Variants in PARP4 observed in about 807,000 individuals in gnomAD.
The protein encoded by PARP4 is poly(ADP-ribose) polymerase family member 4, also known as protein mono-ADP-ribosyltransferase PARP4.
Under a neutral mutation model 187.7 loss-of-function variants are expected in PARP4, and 120 were observed. The observed-to-expected ratio is 0.64, with a 90% confidence interval of 0.55 to 0.74. The LOEUF (loss-of-function observed/expected upper bound fraction) is 0.74. Ranked by LOEUF, PARP4 falls within the 30% of genes least tolerant of loss-of-function variation. The probability of loss-of-function intolerance (pLI) is 0.00; values close to 1 mark genes in which losing one functional copy is unlikely to be tolerated. For missense variants in PARP4, 1,836 were observed against 2,070.5 expected (o/e 0.89, Z 2.20); for synonymous variants, 654 against 740.9 (o/e 0.88, Z 1.90).
At chr13:24,492,935 T>A in intron 8 of PARP4, among the ~76,000 whole-genome samples, 1 of 152,256 alleles carries the variant, frequency 6.6e-6, no homozygotes, top group African/African-American at 2.4e-5. Flanking sequence ...TTTAGAAAGC[T>A]GTCAGAATCA....
intron 1 of PARP4, among the ~76,000 whole-genome samples, chr13:24,506,104 T>C (rs1490584737): frequency 6.6e-6 from 1 of 152,178 alleles, no homozygotes; most frequent in African/African-American, 2.4e-5. Flanking sequence ...TGGACCCTCG[T>C]GGTGAGTGCT....
chr13:24,483,016 CTTCTT>C (rs1048828871), intron 12 of PARP4, among the ~76,000 whole-genome samples: 1 of 151,596 alleles, frequency 6.6e-6, no homozygotes, highest in African/African-American at 2.4e-5. Flanking sequence ...CTCTTTTTTT[CTTCTT>C]TTCTTTTTTT....
chr13:24,473,307 T>C (rs1566008122), intron 15 of PARP4, among the ~76,000 whole-genome samples: 1 of 152,204 alleles, frequency 6.6e-6, no homozygotes, highest in Non-Finnish European at 1.5e-5. Flanking sequence ...TTCATCTCTC[T>C]CTGGGAAGAA....
intron 15 of PARP4, among the ~76,000 whole-genome samples, chr13:24,471,784 G>A (rs1396740342): frequency 6.6e-5 from 10 of 152,146 alleles, no homozygotes; most frequent in Non-Finnish European, 1.0e-4. Flanking sequence ...AGGCATGGAG[G>A]ACACACGCCT....
chr13:24,440,419 T>TAAAAAA lies in PARP4; in HGVS notation c.3666+1421_3666+1426dup, dbSNP rs71070698. Reference sequence around the variant, plus strand: ...TCTCAAAAAAAAAAAAAATTAAAATTAAAAAAAAAAAAAAAAAAAGAAATC... The same window carrying TAAAAAA: ...TCTCAAAAAAAAAAAAAATTAAAATTAAAAAAAAAAAAAAAAAAAAAAAAAGAAATC... On this transcript the variant is annotated intron_variant, in intron 30 of 33. Coordinates refer to ENST00000381989, the MANE Select transcript of PARP4 (RefSeq NM_006437.4). Among the ~76,000 whole-genome samples the TAAAAAA allele has an allele frequency of 5.5e-5, 7 of 126,200 alleles. No homozygotes were observed. The East Asian group carries it at 6.9e-4, about 12-fold the overall frequency. The allele number at this position is 126,200 out of a possible 152,430, so 82.8% of individuals were successfully genotyped here.
At chr13:24,425,131 T>G (rs1381175949) in intron 33 of PARP4, among the ~76,000 whole-genome samples, 1 of 152,054 alleles carries the variant, frequency 6.6e-6, no homozygotes, top group Non-Finnish European at 1.5e-5. Flanking sequence ...GCAAAGCCCC[T>G]TCTTTACAAA....
chr13:24,471,581 G>A (rs1279712706), intron 15 of PARP4, among the ~76,000 whole-genome samples: 2 of 151,834 alleles, frequency 1.3e-5, no homozygotes, highest in African/African-American at 2.4e-5. Context: ...AAATGTATGA[G>A]CCATGCACAT....
chr13:24,472,755 C>T (rs753702056), intron 15 of PARP4, among the ~76,000 whole-genome samples: 17 of 152,164 alleles, frequency 1.1e-4, no homozygotes, highest in South Asian at 4.2e-4. Flanking sequence ...CCAGCACCCG[C>T]ATTAGATAAC....
rs1405696965 is a variant in PARP4, at chr13:24,420,941, T to G, written c.*178A>C. ...CACAGAAAACTGAAATATTTTAAGT[T>G]TCATTTTATTATTGCTTGTTAGTTG... On this transcript the variant is annotated 3_prime_UTR_variant, in exon 34 of 34. Coordinates refer to ENST00000381989, the MANE Select transcript of PARP4 (RefSeq NM_006437.4). The G allele has an allele frequency of 4.2e-6, 3 of 712,086 alleles. No homozygotes were observed. Among genetic ancestry groups the G allele is most frequent in the Non-Finnish European group, 6.0e-6 (3 of 496,122 alleles). The allele number at this position is 712,086 out of a possible 1,614,324, so 44.1% of individuals were successfully genotyped here. A position where few individuals can be genotyped will look rare whatever the true frequency, so the allele number is the denominator to read the frequency against.
chr13:24,483,261 T>C (rs934703974), intron 12 of PARP4, among the ~76,000 whole-genome samples: 1 of 150,272 alleles, frequency 6.7e-6, no homozygotes, highest in Non-Finnish European at 1.5e-5. Context: ...CCGAGGCGGG[T>C]GGATCATGAG....
chr13:24,455,141 A>C lies in PARP4; in HGVS notation c.2634T>G (p.Ile878Met). 6.2e-7 allele frequency: 1 copy of C among 1,613,008 alleles called. No homozygotes were observed. The highest frequency in any genetic ancestry group is 8.5e-7 in the Non-Finnish European group (1 of 1,179,086). ...LPDLASESEV[I>M]ICLDCSSSME... ...TGGAACTGGAGCAGTCAAGACAAATAATCACTTCGCTCTCACTGGCTAGGT... is the reference window on the plus strand; with the variant it reads ...TGGAACTGGAGCAGTCAAGACAAATCATCACTTCGCTCTCACTGGCTAGGT... The change falls in exon 22 of 34, where the codon ATT becomes ATG. Residue 878 changes from isoleucine (I) to methionine (M), a missense_variant. By Grantham distance (10) the Ile-to-Met change is conservative. Coordinates refer to ENST00000381989, the MANE Select transcript of PARP4 (RefSeq NM_006437.4).
At chr13:24,429,927 T>C (rs949990650) in intron 32 of PARP4, among the ~76,000 whole-genome samples, 2 of 152,210 alleles carry the variant, frequency 1.3e-5, no homozygotes, top group Non-Finnish European at 2.9e-5. Context: ...AGTTCAAACA[T>C]CCCATTGTGT....
intron 7 of PARP4, 143 bp from the exon 8 acceptor site, chr13:24,493,876 CTT>C: frequency 1.4e-6 from 1 of 722,724 alleles, no homozygotes; most frequent in South Asian, 1.6e-5. Context: ...TAACTAAATC[CTT>C]TCTCTACTAG....
intron 15 of PARP4, among the ~76,000 whole-genome samples, chr13:24,473,671 C>G (rs1270652905): frequency 6.6e-6 from 1 of 152,192 alleles, no homozygotes; most frequent in East Asian, 1.9e-4. Flanking sequence ...CATCTTCTCT[C>G]CTCTGTCTCC....
chr13:24,501,350 G>C (rs188367067), intron 3 of PARP4, among the ~76,000 whole-genome samples: 4 of 152,230 alleles, frequency 2.6e-5, no homozygotes, highest in Admixed American at 2.6e-4. Flanking sequence ...TAACACAAAG[G>C]CTTTCCCCTC....
intron 5 of PARP4, 91 bp downstream of exon 5, chr13:24,499,210 T>C (rs1869131813): frequency 5.8e-6 from 8 of 1,370,824 alleles, no homozygotes; most frequent in Middle Eastern, 1.9e-4. Flanking sequence ...TTCAAAACAA[T>C]GAGAAAATGA....
Position 24,426,499 on chromosome 13 carries a change from G to C in PARP4, c.4946C>G (p.Ser1649Ter). 1.9e-6 allele frequency: 3 copies of C among 1,611,842 alleles called. No individual in the cohort carries two copies. The South Asian group carries it at 3.3e-5, about 18-fold the overall frequency. The part of the protein sequence containing the change: ...RLEKEGIVFK[S>*]LMKMDDASIS... ...AGAAGCGTCATCCATTTTCATCAGT[G>C]ATTTGAACACTATTCCCTCTTTTTC... Residue 1649 changes from serine to a stop codon, truncating the protein, a stop_gained, in exon 33 of 34, where the codon TCA (serine) becomes TGA (stop). Transcript: ENST00000381989. LOFTEE classifies it low-confidence loss of function (END_TRUNC).
chr13:24,472,660 AT>A (rs1477768537), intron 15 of PARP4, among the ~76,000 whole-genome samples: 1 of 152,140 alleles, frequency 6.6e-6, no homozygotes, highest in East Asian at 1.9e-4. Context: ...CTACCACTGC[AT>A]CTGGCCACTT....
chr13:24,493,815 G>T lies in PARP4; in HGVS notation c.742-82C>A. On this transcript the variant is annotated intron_variant, in intron 7 of 33. Transcript: ENST00000381989. The stretch of plus-strand genomic sequence containing the variant: ...AACTTACATGGGCCAACGAACAGAG[G>T]TGTGAGGAGAAATAATTGATTAGAG... 3 of 1,359,580 alleles carry T rather than the reference G, an allele frequency of 2.2e-6. No homozygotes were observed. The South Asian group carries it at 3.6e-5, about 16-fold the overall frequency. 84.2% of individuals were successfully genotyped at this position (1,359,580 alleles called of 1,614,324 possible).
Sources: allele counts gnomAD v4.1 joint callset (sites outside exome capture counted in the v4.1 genomes callset), GRCh38; gene constraint gnomAD v4.1.1; transcripts MANE v1.5; gene names NCBI Gene and HGNC (gene_info 2026-07-23, HGNC 2026-07-21).